MAPRE2: variants seen among roughly 807,000 people sequenced by gnomAD.
MAPRE2 encodes microtubule associated protein RP/EB family member 2.
In MAPRE2, 13 loss-of-function variants were observed where a neutral mutation model predicts 43.2. The observed-to-expected ratio is 0.30, with a 90% confidence interval of 0.20 to 0.48. The LOEUF (loss-of-function observed/expected upper bound fraction) is 0.48. Ranked by LOEUF, MAPRE2 falls within the 20% of genes least tolerant of loss-of-function variation. MAPRE2 has a pLI of 0.99. For synonymous variants in MAPRE2, 135 were observed against 148.8 expected, an observed-to-expected ratio of 0.91 and a Z score of 0.68; for missense variants, 161 against 400.2, an observed-to-expected ratio of 0.40 and a Z score of 5.10.
chr18:34,990,181 T>G (rs1256321373), intron 1 of MAPRE2, among the ~76,000 whole-genome samples: 1 of 152,218 alleles, frequency 6.6e-6, no homozygotes, highest in Non-Finnish European at 1.5e-5. Flanking sequence ...GACTACAGTT[T>G]GTTAGAGGGT....
upstream of MAPRE2, chr18:35,041,340 G>C (rs1204714903): frequency 1.4e-6 from 2 of 1,436,160 alleles, no homozygotes; most frequent in Non-Finnish European, 1.8e-6. Flanking sequence ...TGACCAGGGT[G>C]CTGCTGCCGG....
chr18:35,134,306 G>T (rs1910291626), intron 6 of MAPRE2, among the ~76,000 whole-genome samples: 1 of 152,158 alleles, frequency 6.6e-6, no homozygotes, highest in Non-Finnish European at 1.5e-5. Flanking sequence ...CAAGTCTGAG[G>T]CACCTTTTAA....
At chr18:35,084,284 A>G (rs1907771067) in intron 2 of MAPRE2, among the ~76,000 whole-genome samples, 1 of 152,100 alleles carries the variant, frequency 6.6e-6, no homozygotes, top group Non-Finnish European at 1.5e-5. Flanking sequence ...AAAAAAAAAT[A>G]ATAAATAAAA....
chr18:35,125,336 C>G lies in MAPRE2; in HGVS notation c.611-1612C>G, dbSNP rs137981740. Among the ~76,000 whole-genome samples the G allele has an allele frequency of 4.5e-3, 682 of 152,312 alleles. 4 individuals are homozygous for G. The highest frequency in any genetic ancestry group is 0.016 in the African/African-American group (654 of 41,552). On this transcript the variant is annotated intron_variant, in intron 4 of 6. Coordinates refer to ENST00000300249, the MANE Select transcript of MAPRE2 (RefSeq NM_014268.4). The stretch of plus-strand genomic sequence containing the variant: ...ATAACCCTTCGGCTCTTGCTAATCT[C>G]TTGGTACTAATAAACTGTGAAGTTG...
At chr18:35,015,241 C>T (rs895838094) in intron 2 of MAPRE2, among the ~76,000 whole-genome samples, 2 of 152,070 alleles carry the variant, frequency 1.3e-5, no homozygotes, top group African/African-American at 4.8e-5. Context: ...GGGGAAGGAG[C>T]AAGACCTGTA....
chr18:35,030,616 A>C (rs2097047385), intron 2 of MAPRE2, among the ~76,000 whole-genome samples: 1 of 152,236 alleles, frequency 6.6e-6, no homozygotes, highest in Admixed American at 6.5e-5. Flanking sequence ...GCCCATAAAA[A>C]GTATTCAAAT....
chr18:35,030,664 A>G (rs1387503163), intron 2 of MAPRE2, among the ~76,000 whole-genome samples: 2 of 152,202 alleles, frequency 1.3e-5, no homozygotes, highest in African/African-American at 4.8e-5. Flanking sequence ...AGAATATTCC[A>G]CATCTCTGTT....
chr18:35,140,392 C>A lies in MAPRE2; in HGVS notation c.*23C>A. ...TGACCCACCCCGGCTGCTCTTGACA[C>A]TTCCATTGTGTGTGGGAACGTTTCT... On this transcript the variant is annotated 3_prime_UTR_variant, in exon 7 of 7. Coordinates refer to ENST00000300249, the MANE Select transcript of MAPRE2 (RefSeq NM_014268.4). 2 of 1,594,188 alleles carry A rather than the reference C, an allele frequency of 1.3e-6. No individual in the cohort carries two copies. The highest frequency in any genetic ancestry group is 1.3e-5 in the African/African-American group (1 of 74,472).
chr18:35,026,233 A>G (rs2097045101), intron 2 of MAPRE2, among the ~76,000 whole-genome samples: 3 of 152,142 alleles, frequency 2.0e-5, no homozygotes, highest in Middle Eastern at 3.2e-3. Context: ...AATCAGACAG[A>G]TGGGTAGAGA....
chr18:35,062,543 C>T (rs1157072433), intron 1 of MAPRE2, among the ~76,000 whole-genome samples: 2 of 152,300 alleles, frequency 1.3e-5, no homozygotes, highest in East Asian at 3.9e-4. Flanking sequence ...ATCCTAAAAC[C>T]TTTAACCAGG....
Position 34,991,191 on chromosome 18 carries a change from C to G in MAPRE2, c.-70+14112C>G, listed in dbSNP as rs139613564. On this transcript the variant is annotated intron_variant, in intron 1 of 7. Coordinates refer to the MAPRE2 transcript ENST00000413393. ...CCTCCTCCTGCCTCTTTCCTCCCCT[C>G]TCTTCCTCTTCTCTCTCTCTCCCAA... is the stretch of plus-strand genomic sequence containing the variant. 7.9e-3 allele frequency among the ~76,000 whole-genome samples: 1,209 copies of G among 152,280 alleles called. 17 individuals are homozygous for G. The highest frequency in any genetic ancestry group is 0.028 in the African/African-American group (1,146 of 41,564).
upstream of MAPRE2, among the ~76,000 whole-genome samples, chr18:35,040,290 G>A (rs529593770): frequency 6.6e-6 from 1 of 152,198 alleles, no homozygotes; most frequent in East Asian, 1.9e-4. Flanking sequence ...AATCTAATCC[G>A]TAGACTGCAC....
intron 1 of MAPRE2, among the ~76,000 whole-genome samples, chr18:34,983,879 C>T (rs1029046408): frequency 2.0e-5 from 3 of 152,208 alleles, no homozygotes; most frequent in Non-Finnish European, 4.4e-5. Context: ...ATCCACCCGC[C>T]TCAGCCCCCT....
chr18:35,006,276 A>G (rs547772075), intron 2 of MAPRE2, among the ~76,000 whole-genome samples: 1 of 152,280 alleles, frequency 6.6e-6, no homozygotes, highest in South Asian at 2.1e-4. Context: ...CCTATATTTC[A>G]TCAAAGGTAC....
chr18:35,027,623 A>G (rs2097045939), intron 2 of MAPRE2, among the ~76,000 whole-genome samples: 1 of 152,242 alleles, frequency 6.6e-6, no homozygotes, highest in Admixed American at 6.5e-5. Context: ...AGATAATAAT[A>G]AAATGATTAT....
chr18:35,104,377 T>C (rs1908810878), intron 4 of MAPRE2, among the ~76,000 whole-genome samples: 1 of 152,106 alleles, frequency 6.6e-6, no homozygotes, highest in Non-Finnish European at 1.5e-5. Context: ...AACATTTGGT[T>C]TGTGTAGGGA....
chr18:35,140,921 G>C lies in MAPRE2; in HGVS notation c.*552G>C, dbSNP rs1482331584. ...ACTTGTGTCGTGGGGGAAAACATAAGGTCATTTTCTCCCTCTACTCACAAT... is the reference window on the plus strand; with the variant it reads ...ACTTGTGTCGTGGGGGAAAACATAACGTCATTTTCTCCCTCTACTCACAAT... On this transcript the variant is annotated 3_prime_UTR_variant, in exon 7 of 7. Transcript: ENST00000300249. 6.5e-6 allele frequency: 1 copy of C among 152,700 alleles called. No homozygotes were observed. Among genetic ancestry groups the C allele is most frequent in the Non-Finnish European group, 1.5e-5 (1 of 68,362 alleles). 9.5% of individuals were successfully genotyped at this position (152,700 alleles called of 1,614,324 possible).
At chr18:35,110,403 T>C (rs959110792) in intron 4 of MAPRE2, among the ~76,000 whole-genome samples, 16 of 152,306 alleles carry the variant, frequency 1.1e-4, no homozygotes, top group African/African-American at 3.6e-4. Context: ...TGGAGTTTTT[T>C]TACCTTTTTG....
intron 2 of MAPRE2, chr18:35,082,351 C>G (rs1907683597): frequency 6.6e-6 from 1 of 151,652 alleles, no homozygotes; most frequent in African/African-American, 2.4e-5. Flanking sequence ...AAATGGCATT[C>G]TCTAAAGACG....
Sources: gnomAD v4.1 joint callset for allele counts (sites outside exome capture counted in the v4.1 genomes callset) on GRCh38, gnomAD v4.1.1 for gene constraint, MANE v1.5 for transcripts, NCBI Gene and HGNC (gene_info 2026-07-23, HGNC 2026-07-21) for gene names.